Variants in MFAP3L observed in about 807,000 individuals in gnomAD.
MFAP3L encodes microfibrillar-associated protein 3-like.
In MFAP3L, 5 loss-of-function variants were observed where a neutral mutation model predicts 20.0. The ratio of observed to expected loss-of-function variants is 0.25; its 90% CI spans 0.13 to 0.53. The LOEUF is 0.53. Ranked by LOEUF, MFAP3L falls within the 20% of genes least tolerant of loss-of-function variation. The probability of loss-of-function intolerance (pLI) is 0.96; values close to 1 mark genes in which losing one functional copy is unlikely to be tolerated. For synonymous variants in MFAP3L, 219 were observed against 213.0 expected (o/e 1.03, Z -0.25); for missense variants, 409 against 527.5 (o/e 0.78, Z 2.20).
intron 2 of MFAP3L, chr4:169,994,063 T>C (rs1011440320): frequency 4.9e-6 from 3 of 607,422 alleles, no homozygotes; most frequent in Non-Finnish European, 6.2e-6. Flanking sequence ...ATAATTTGCA[T>C]GTCTTATAAA....
At chr4:170,019,970 G>T (rs988847485) in intron 1 of MFAP3L, among the ~76,000 whole-genome samples, 1 of 152,222 alleles carries the variant, frequency 6.6e-6, no homozygotes, top group African/African-American at 2.4e-5. Context: ...TCCAAAAGCT[G>T]AGGGTCCATC....
intron 2 of MFAP3L, among the ~76,000 whole-genome samples, chr4:169,993,347 C>T (rs1737879159): frequency 6.6e-6 from 1 of 152,136 alleles, no homozygotes; most frequent in South Asian, 2.1e-4. Flanking sequence ...AAATATTTCT[C>T]CATAAAAACA....
rs759663336 is a variant in MFAP3L, at chr4:169,992,145, C to T, written c.463G>A (p.Val155Ile). The T allele has an allele frequency of 6.2e-7, 1 of 1,614,130 alleles. No homozygotes were observed. The highest frequency in any genetic ancestry group is 1.1e-5 in the South Asian group (1 of 91,078). Residue 155 changes from valine to isoleucine, a missense_variant, in exon 3 of 3, where the codon GTC becomes ATC. Physicochemically the swap from Val to Ile is conservative, Grantham distance 29. Coordinates refer to ENST00000361618, the MANE Select transcript of MFAP3L (RefSeq NM_021647.8). This position sits in a 1 kb window ranked among gnomAD's most constrained non-coding sequence, Gnocchi z 4.3. ...TSGDMGVYYM[V>I]VCLVAFTIVM... Reference sequence around the variant, plus strand: ...ATGGTGAAGGCCACCAGGCACACGACCATGTAGTAGACACCCATGTCTCCA... The same window carrying T: ...ATGGTGAAGGCCACCAGGCACACGATCATGTAGTAGACACCCATGTCTCCA...
At chr4:170,011,876 CAGGGGAGAG>C (rs1277350491) in intron 1 of MFAP3L, among the ~76,000 whole-genome samples, 1 of 152,108 alleles carries the variant, frequency 6.6e-6, no homozygotes, top group Non-Finnish European at 1.5e-5. Flanking sequence ...CCAAGTGGAC[CAGGGGAGAG>C]AAGCTGACCC....
chr4:169,995,917 T>C (rs1738121879), intron 2 of MFAP3L, among the ~76,000 whole-genome samples: 1 of 152,164 alleles, frequency 6.6e-6, no homozygotes. Flanking sequence ...CATCTCGCCA[T>C]AACCTTCTGA....
At chr4:170,023,973 CCAACAA>C (rs537113547) in intron 1 of MFAP3L, among the ~76,000 whole-genome samples, 80 of 152,218 alleles carry the variant, frequency 5.3e-4, no homozygotes, top group African/African-American at 1.9e-3. Flanking sequence ...TCTAATGTCA[CCAACAA>C]CATCATACAG....
rs201578872 is a variant in MFAP3L, at chr4:170,005,903, T to A, written c.-26A>T. 15 of 1,602,706 alleles carry A rather than the reference T, an allele frequency of 9.4e-6. No individual in the cohort carries two copies. The highest frequency in any genetic ancestry group is 1.3e-5 in the Non-Finnish European group (15 of 1,172,254). On this transcript the variant is annotated 5_prime_UTR_variant, in exon 2 of 3. Transcript: ENST00000361618. ...CTTCTTTGCTTGCTCTGTAAGGCAATAGAGAGATGGTTTGCCAACCGAATC... is the reference window on the plus strand; with the variant it reads ...CTTCTTTGCTTGCTCTGTAAGGCAAAAGAGAGATGGTTTGCCAACCGAATC...
intron 1 of MFAP3L, 99 bp downstream of exon 1, chr4:170,026,135 A>C: frequency 1.4e-6 from 1 of 695,168 alleles, no homozygotes; most frequent in Non-Finnish European, 1.8e-6. Context: ...AAACACCCGA[A>C]AGTTCGGCGG....
chr4:169,989,758 A>G lies in MFAP3L; in HGVS notation c.*1620T>C, dbSNP rs980899135. The G allele has an allele frequency of 2.0e-5, 3 of 152,198 alleles. No homozygotes were observed. The highest frequency in any genetic ancestry group is 4.1e-4 in the South Asian group (2 of 4,824). 9.4% of individuals were successfully genotyped at this position (152,198 alleles called of 1,614,324 possible). Reference sequence around the variant, plus strand: ...ATTACCTGATGTGGCCACGGCCCCTATGAATTTATTAAGATTACTGTCTCC... The same window carrying G: ...ATTACCTGATGTGGCCACGGCCCCTGTGAATTTATTAAGATTACTGTCTCC... On this transcript the variant is annotated 3_prime_UTR_variant, in exon 3 of 3. Coordinates refer to ENST00000361618, the MANE Select transcript of MFAP3L (RefSeq NM_021647.8).
Position 169,990,809 on chromosome 4 carries a change from T to C in MFAP3L, c.*569A>G, listed in dbSNP as rs1737605425. On this transcript the variant is annotated 3_prime_UTR_variant, in exon 3 of 3. Coordinates refer to ENST00000361618, the MANE Select transcript of MFAP3L (RefSeq NM_021647.8). ...TTGTAGATATCAGCCCTGGTACTGG[T>C]GACTGATACCAAAGTCTCTGAGGTA... 6.5e-6 allele frequency: 1 copy of C among 153,360 alleles called. No homozygotes were observed. Among genetic ancestry groups the C allele is most frequent in the Non-Finnish European group, 1.5e-5 (1 of 68,878 alleles). 9.5% of individuals were successfully genotyped at this position (153,360 alleles called of 1,614,324 possible).
At chr4:170,015,357 C>A (rs140236609) in intron 1 of MFAP3L, among the ~76,000 whole-genome samples, 1 of 151,966 alleles carries the variant, frequency 6.6e-6, no homozygotes, top group African/African-American at 2.4e-5. Flanking sequence ...AGGGAAGAAA[C>A]GGTGAGGGGT....
chr4:170,023,172 G>A (rs922712792), intron 1 of MFAP3L, among the ~76,000 whole-genome samples: 5 of 152,028 alleles, frequency 3.3e-5, no homozygotes, highest in African/African-American at 7.2e-5. Flanking sequence ...TCCAATCTAC[G>A]GGGTTCATTT....
At chr4:170,007,361 T>C (rs1739106107) in intron 1 of MFAP3L, among the ~76,000 whole-genome samples, 1 of 152,178 alleles carries the variant, frequency 6.6e-6, no homozygotes, top group South Asian at 2.1e-4. Flanking sequence ...TGTGGTTTCC[T>C]TTGTGGTTGG....
At chr4:170,006,568 G>A (rs1739049832) in intron 1 of MFAP3L, 1 of 152,098 alleles carries the variant, frequency 6.6e-6, no homozygotes, top group Admixed American at 6.5e-5. Flanking sequence ...TTGCTTCATA[G>A]AGCGCAAAAA....
At chr4:170,012,532 T>C (rs1739446520) in intron 1 of MFAP3L, among the ~76,000 whole-genome samples, 1 of 152,178 alleles carries the variant, frequency 6.6e-6, no homozygotes, top group South Asian at 2.1e-4. Context: ...CCTGCCTGGT[T>C]CCTCACTGCT....
chr4:170,005,860 G>T lies in MFAP3L; in HGVS notation c.18C>A (p.Ser6Arg). MDRLK[S>R]HLTVCFLPSV... Reference sequence around the variant, plus strand: ...AAGGTAGAAAGCACACAGTCAGATGGCTCTTCAATCGATCCATCTTCTTTG... The same window carrying T: ...AAGGTAGAAAGCACACAGTCAGATGTCTCTTCAATCGATCCATCTTCTTTG... The change falls in exon 2 of 3, where the codon AGC becomes AGA. Residue 6 changes from serine (S) to arginine (R), a missense_variant. Physicochemically the swap from Ser to Arg is moderately radical, Grantham distance 110. Around this residue, in one of 3 missense-constraint regions of MFAP3L, gnomAD observed 113 missense variants for 131.1 expected, o/e 0.86. Coordinates refer to ENST00000361618, the MANE Select transcript of MFAP3L (RefSeq NM_021647.8). 1 of 1,613,614 alleles carries T rather than the reference G, an allele frequency of 6.2e-7. No homozygotes were observed. The highest frequency in any genetic ancestry group is 1.1e-5 in the South Asian group (1 of 91,068).
intron 2 of MFAP3L, among the ~76,000 whole-genome samples, chr4:169,995,981 G>A (rs1034834821): frequency 3.3e-5 from 5 of 151,942 alleles, no homozygotes; most frequent in African/African-American, 1.2e-4. Flanking sequence ...CACACTTCCT[G>A]TCCCTTGAGC....
chr4:170,003,560 T>C, intron 2 of MFAP3L: 3 of 434,348 alleles, frequency 6.9e-6, no homozygotes, highest in South Asian at 9.7e-5. Flanking sequence ...ATCCTCGAAA[T>C]GTTGGAACTG....
In MFAP3L at chr4:170,010,134, C is replaced by T. The variant is rs376298809; in HGVS notation, c.-133-4124G>A. Among the ~76,000 whole-genome samples the T allele has an allele frequency of 9.2e-5, 14 of 152,274 alleles. No homozygotes were observed. In the South Asian group the frequency reaches 2.9e-3, roughly 32 times the overall value. Reference sequence around the variant, plus strand: ...ATTTCATATGAATTGGAAAGTGGCACTAAAATACTCATTAAGACATGAATA... The same window carrying T: ...ATTTCATATGAATTGGAAAGTGGCATTAAAATACTCATTAAGACATGAATA... On this transcript the variant is annotated intron_variant, in intron 1 of 2. Transcript: ENST00000361618.
Sources: allele counts gnomAD v4.1 joint callset (sites outside exome capture counted in the v4.1 genomes callset), GRCh38; gene constraint gnomAD v4.1.1; regional missense constraint gnomAD v4.1.1; non-coding constraint Gnocchi (gnomAD v3.1); transcripts MANE v1.5; gene names NCBI Gene and HGNC (gene_info 2026-07-23, HGNC 2026-07-21).